OR4D1: variants seen among roughly 807,000 people sequenced by gnomAD.
OR4D1 encodes the protein olfactory receptor 4D1.
A neutral mutation model predicts 14.2 loss-of-function variants in OR4D1; 10 were observed. That is an observed-to-expected ratio of 0.71 (90% CI 0.44 to 1.20). The LOEUF is 1.20. OR4D1 is among the 50% of genes most tolerant of loss of function. OR4D1 has a pLI of 0.00. For synonymous variants in OR4D1, 141 were observed against 147.4 expected (o/e 0.96, Z 0.32); for missense variants, 345 against 376.6 (o/e 0.92, Z 0.70).
rs1967733866 is a variant in OR4D1 at position 58,153,925 on chromosome 17, A to T, written c.-58A>T. 6.6e-6 allele frequency among the ~76,000 whole-genome samples: 1 copy of T among 152,198 alleles called. No individual in the cohort carries two copies. The highest frequency in any genetic ancestry group is 1.5e-5 in the Non-Finnish European group (1 of 68,038). The stretch of plus-strand genomic sequence containing the variant: ...AGCCTTGATCTCCTGGGCTCAAGCA[A>T]TCCTTCCACCTCAGCCTCCTGAATA... On this transcript the variant is annotated 5_prime_UTR_variant, in exon 3 of 4. Transcript: ENST00000268912.
At chr17:58,150,302 A>G (rs1248157489) in intron 2 of OR4D1, among the ~76,000 whole-genome samples, 1 of 152,220 alleles carries the variant, frequency 6.6e-6, no homozygotes, top group Non-Finnish European at 1.5e-5. Flanking sequence ...TAGAGGGGGA[A>G]GATGTTGTTG....
Position 58,155,597 on chromosome 17 carries a change from C to A in OR4D1, c.444C>A (p.Ala148=), listed in dbSNP as rs201914636. The A allele has an allele frequency of 1.3e-4, 209 of 1,614,060 alleles. No individual in the cohort carries two copies. Among genetic ancestry groups the A allele is most frequent in the South Asian group, 1.9e-4 (17 of 91,082 alleles). ...TGTGTGTGGGCCTGGTAGTAGCCGC[C>A]TGGGTGGGGGGCTTTGTCCACTCCA... is the stretch of plus-strand genomic sequence containing the variant. ...TQLCVGLVVA[A]WVGGFVHSIV... is the part of the protein sequence containing the mutation. Residue 148 remains alanine (A), a synonymous_variant, in exon 4 of 4, where the codon GCC becomes GCA. Transcript: ENST00000268912.
chr17:58,153,031 T>C (rs1362319794), intron 2 of OR4D1, among the ~76,000 whole-genome samples: 6 of 152,212 alleles, frequency 3.9e-5, no homozygotes, highest in Admixed American at 2.0e-4. Flanking sequence ...GAATCAGTAA[T>C]CAGGTGTGAG....
rs1258502465 is a variant in OR4D1 at position 58,156,120 on chromosome 17, C to T, written c.*34C>T. On this transcript the variant is annotated 3_prime_UTR_variant, in exon 4 of 4. Transcript: ENST00000268912. ...TAAGTTGACTTTAAATGACAAATTTCTCTGGATTTTTATTTTCCCACATGA... is the reference window on the plus strand; with the variant it reads ...TAAGTTGACTTTAAATGACAAATTTTTCTGGATTTTTATTTTCCCACATGA... 7.3e-7 allele frequency: 1 copy of T among 1,372,794 alleles called. No individual in the cohort carries two copies. The highest frequency in any genetic ancestry group is 1.5e-5 in the African/African-American group (1 of 68,710). 85.0% of individuals were successfully genotyped at this position (1,372,794 alleles called of 1,614,324 possible).
Position 58,155,872 on chromosome 17 carries a change from G to C in OR4D1, c.719G>C (p.Cys240Ser), listed in dbSNP as rs1967764202. 1.2e-6 allele frequency: 2 copies of C among 1,613,966 alleles called. No individual in the cohort carries two copies. Among genetic ancestry groups the C allele is most frequent in the African/African-American group, 2.7e-5 (2 of 74,906 alleles). The part of the protein sequence containing the change: ...GKARRKAAST[C>S]TTHIIVVSMI... ...GCAAGGAGGAAGGCAGCTTCCACCT[G>C]CACCACCCACATCATCGTGGTGTCC... The change falls in exon 4 of 4, where the codon TGC (cysteine) becomes TCC (serine). Residue 240 changes from cysteine (C) to serine (S), a missense_variant. Physicochemically the swap from Cys to Ser is moderately radical, Grantham distance 112. Coordinates refer to ENST00000268912, the MANE Select transcript of OR4D1 (RefSeq NM_001386095.1).
At position 58,155,441 on chromosome 17, in the gene OR4D1, C is replaced by A; in HGVS notation, c.288C>A (p.Gly96=). Residue 96 remains glycine, a synonymous_variant, in exon 4 of 4, where the codon GGC becomes GGA. Coordinates refer to ENST00000268912, the MANE Select transcript of OR4D1 (RefSeq NM_001386095.1). ...AGACCAAGACGATCTCCTACCAGGG[C>A]TGCATGGCCCAGATCTTCTTCTTCC... ...LHETKTISYQ[G]CMAQIFFFHL... 1.2e-6 allele frequency: 2 copies of A among 1,614,212 alleles called. No individual in the cohort carries two copies. The highest frequency in any genetic ancestry group is 1.7e-6 in the Non-Finnish European group (2 of 1,180,036).
chr17:58,155,715 G>A lies in OR4D1; in HGVS notation c.562G>A (p.Ala188Thr), dbSNP rs2047653632. The A allele has an allele frequency of 1.9e-6, 3 of 1,613,958 alleles. No individual in the cohort carries two copies. Among genetic ancestry groups the A allele is most frequent in the Non-Finnish European group, 8.5e-7 (1 of 1,180,006 alleles). Residue 188 changes from alanine to threonine, a missense_variant, in exon 4 of 4, where the codon GCC (alanine) becomes ACC (threonine). Coordinates refer to ENST00000268912, the MANE Select transcript of OR4D1 (RefSeq NM_001386095.1). The part of the protein sequence containing the change: ...YCDVPQVLRL[A>T]CTDTSLLEFL... ...TGATGTTCCCCAAGTACTGAGACTT[G>A]CCTGCACTGATACCTCCCTCCTGGA...
At chr17:58,150,104 A>G (rs1193714022) in intron 2 of OR4D1, among the ~76,000 whole-genome samples, 1 of 152,242 alleles carries the variant, frequency 6.6e-6, no homozygotes, top group Non-Finnish European at 1.5e-5. Context: ...ATAAATGCTT[A>G]CTACCACAGT....
chr17:58,157,208 C>T lies in OR4D1; in HGVS notation c.*1122C>T. 6.8e-7 allele frequency: 1 copy of T among 1,463,834 alleles called. No homozygotes were observed. Among genetic ancestry groups the T allele is most frequent in the Non-Finnish European group, 9.0e-7 (1 of 1,110,098 alleles). The allele number at this position is 1,463,834 out of a possible 1,614,324, so 90.7% of individuals were successfully genotyped here. On this transcript the variant is annotated 3_prime_UTR_variant, in exon 4 of 4. Transcript: ENST00000268912. ...CATCCCCAGTGCCGGCCAAAAGCGC[C>T]TCTTCCGGGGCCACCCTGCGGCTAC...
chr17:58,149,378 A>G (rs1227613732), intron 1 of OR4D1, 51 bp from the exon 2 acceptor site: 1 of 152,214 alleles, frequency 6.6e-6, no homozygotes, highest in East Asian at 1.9e-4. Flanking sequence ...ATTCTCTTTG[A>G]GGTCCTATAA....
Position 58,157,358 on chromosome 17 carries a change from G to C in OR4D1, c.*1272G>C. ...GGAGCGGCGTGGATGCAGGAACCCTGCTGATAATTCGCCGCCGCCAAGACA... is the reference window on the plus strand; with the variant it reads ...GGAGCGGCGTGGATGCAGGAACCCTCCTGATAATTCGCCGCCGCCAAGACA... On this transcript the variant is annotated 3_prime_UTR_variant, in exon 4 of 4. Transcript: ENST00000268912. The C allele has an allele frequency of 7.0e-7, 1 of 1,419,216 alleles. No individual in the cohort carries two copies. Among genetic ancestry groups the C allele is most frequent in the Non-Finnish European group, 9.6e-7 (1 of 1,037,910 alleles). 87.9% of individuals were successfully genotyped at this position (1,419,216 alleles called of 1,614,324 possible).
chr17:58,157,457 C>G lies in OR4D1; in HGVS notation c.*1371C>G. Reference sequence around the variant, plus strand: ...GCCGCGCACAGCCTTTACCACGTCCCAGCTCCTCGCTCTGGAGGGCAAGTT... The same window carrying G: ...GCCGCGCACAGCCTTTACCACGTCCGAGCTCCTCGCTCTGGAGGGCAAGTT... On this transcript the variant is annotated 3_prime_UTR_variant, in exon 4 of 4. Transcript: ENST00000268912. 8.1e-6 allele frequency: 9 copies of G among 1,105,882 alleles called. No homozygotes were observed. The highest frequency in any genetic ancestry group is 1.2e-5 in the Non-Finnish European group (9 of 726,142). 68.5% of individuals were successfully genotyped at this position (1,105,882 alleles called of 1,614,324 possible).
chr17:58,155,963 T>G lies in OR4D1; in HGVS notation c.810T>G (p.Ala270=), dbSNP rs1967766169. The G allele has an allele frequency of 6.2e-7, 1 of 1,613,392 alleles. No homozygotes were observed. Among genetic ancestry groups the G allele is most frequent in the Non-Finnish European group, 8.5e-7 (1 of 1,179,490 alleles). ...WPFTPFLMDK[A]VSISYTVMTP... ...TCACCCCATTCCTCATGGACAAGGC[T>G]GTGTCCATCAGCTACACAGTCATGA... Residue 270 remains alanine (A), a synonymous_variant, in exon 4 of 4, where the codon GCT becomes GCG. Transcript: ENST00000268912.
At position 58,155,489 on chromosome 17, in the gene OR4D1, CT is replaced by C. The variant is rs752664388; in HGVS notation, c.342del (p.Leu115SerfsTer10). 2 of 1,614,062 alleles carry C rather than the reference CT, an allele frequency of 1.2e-6. No individual in the cohort carries two copies. The highest frequency in any genetic ancestry group is 1.7e-6 in the Non-Finnish European group (2 of 1,180,048). On this transcript the variant is annotated frameshift_variant, in exon 4 of 4. Coordinates refer to ENST00000268912, the MANE Select transcript of OR4D1 (RefSeq NM_001386095.1). LOFTEE classifies it high-confidence loss of function. Reference sequence around the variant, plus strand: ...TCCACCTTTTGGGAGGTGGGACTGTCTTTTTTCTCTCAGTCATGGCCTATGA... The same window carrying C: ...TCCACCTTTTGGGAGGTGGGACTGTCTTTTTCTCTCAGTCATGGCCTATGA... ...FFHLLGGGTV[F>X]FLSVMAYDRY...
intron 3 of OR4D1, among the ~76,000 whole-genome samples, chr17:58,154,812 G>A (rs1967743324): frequency 6.6e-6 from 1 of 152,148 alleles, no homozygotes. Context: ...TAGCTTTATG[G>A]AACCTATGGT....
rs117039386 is a variant in OR4D1 at position 58,149,965 on chromosome 17, C to T, written c.-127+169C>T. Among the ~76,000 whole-genome samples, 1,152 of 152,250 alleles carry T rather than the reference C, an allele frequency of 7.6e-3. 8 individuals carry two copies. Among genetic ancestry groups the T allele is most frequent in the Non-Finnish European group, 0.011 (761 of 68,020 alleles). ...GAGATAATTTATGGTACTTACTATA[C>T]TTATAAACATGGGAATAATATGTGA... is the stretch of plus-strand genomic sequence containing the variant. On this transcript the variant is annotated intron_variant, in intron 2 of 3. Coordinates refer to ENST00000268912, the MANE Select transcript of OR4D1 (RefSeq NM_001386095.1).
intron 2 of OR4D1, among the ~76,000 whole-genome samples, chr17:58,152,522 G>T (rs1967714703): frequency 6.6e-6 from 1 of 152,176 alleles, no homozygotes; most frequent in South Asian, 2.1e-4. Context: ...TGCCAGTCTT[G>T]CTTCACATAC....
chr17:58,152,960 T>C (rs1444202044), intron 2 of OR4D1, among the ~76,000 whole-genome samples: 1 of 152,172 alleles, frequency 6.6e-6, no homozygotes, highest in Non-Finnish European at 1.5e-5. Context: ...ATGGTGGTTG[T>C]AATCTTAATA....
chr17:58,155,885 C>G lies in OR4D1; in HGVS notation c.732C>G (p.Ile244Met). The change falls in exon 4 of 4, where the codon ATC (isoleucine) becomes ATG (methionine). Residue 244 changes from isoleucine (I) to methionine (M), a missense_variant. Coordinates refer to ENST00000268912, the MANE Select transcript of OR4D1 (RefSeq NM_001386095.1). ...RKAASTCTTH[I>M]IVVSMIFIPC... is the part of the protein sequence containing the mutation. ...CAGCTTCCACCTGCACCACCCACAT[C>G]ATCGTGGTGTCCATGATCTTCATTC... The G allele has an allele frequency of 6.2e-7, 1 of 1,614,148 alleles. No homozygotes were observed. The highest frequency in any genetic ancestry group is 1.7e-5 in the Admixed American group (1 of 60,032).
Sources: gnomAD v4.1 joint callset for allele counts (sites outside exome capture counted in the v4.1 genomes callset) on GRCh38, gnomAD v4.1.1 for gene constraint, MANE v1.5 for transcripts, NCBI Gene and HGNC (gene_info 2026-07-23, HGNC 2026-07-21) for gene names.